The following ATG7 variants were observed in gnomAD, a reference collection of about 807,000 sequenced individuals.
The protein encoded by ATG7 is autophagy related 7.
A neutral mutation model predicts 82.4 loss-of-function variants in ATG7; 70 were observed. The observed-to-expected ratio is 0.85, with a 90% CI of 0.70 to 1.04. The LOEUF is 1.04. ATG7 is among the 50% of genes least tolerant of loss of function. ATG7 has a pLI of 0.00. For missense variants in ATG7, 792 were observed against 864.3 expected, an observed-to-expected ratio of 0.92 and a Z score of 1.05; for synonymous variants, 287 against 313.0, an observed-to-expected ratio of 0.92 and a Z score of 0.88.
intron 3 of ATG7, among the ~76,000 whole-genome samples, chr3:11,293,034 TG>T (rs1242491417): frequency 6.6e-6 from 1 of 152,132 alleles, no homozygotes; most frequent in Non-Finnish European, 1.5e-5. Context: ...TGAATTAAGG[TG>T]ATACTATTAA....
At chr3:11,515,106 T>C (rs528230711) in intron 20 of ATG7, among the ~76,000 whole-genome samples, 11 of 152,300 alleles carry the variant, frequency 7.2e-5, no homozygotes, top group Non-Finnish European at 1.5e-4. Flanking sequence ...ACCAAAGTGC[T>C]GGGATTACAG....
chr3:11,425,427 T>G (rs1251986187), intron 19 of ATG7, among the ~76,000 whole-genome samples: 1 of 152,230 alleles, frequency 6.6e-6, no homozygotes, highest in African/African-American at 2.4e-5. Context: ...ACTGTTCTGG[T>G]CTGTTTATGC....
chr3:11,500,007 G>A (rs1471155032), intron 20 of ATG7, among the ~76,000 whole-genome samples: 1 of 152,112 alleles, frequency 6.6e-6, no homozygotes, highest in African/African-American at 2.4e-5. Context: ...GGAGTGTTCT[G>A]AGTTCCCTGG....
intron 14 of ATG7, among the ~76,000 whole-genome samples, chr3:11,349,666 A>G (rs1188210942): frequency 6.6e-6 from 1 of 152,232 alleles, no homozygotes; most frequent in Admixed American, 6.5e-5. Flanking sequence ...AGGAGTGTAT[A>G]TATTTTTATA....
chr3:11,571,481 C>G, the ATG7 span, among the ~76,000 whole-genome samples: 2 of 151,924 alleles, frequency 1.3e-5, no homozygotes, highest in Non-Finnish European at 2.9e-5. Context: ...CCCAGGAGTT[C>G]GAGACCAGCC....
intron 19 of ATG7, among the ~76,000 whole-genome samples, chr3:11,409,937 A>G (rs2152913527): frequency 6.6e-6 from 1 of 152,156 alleles, no homozygotes; most frequent in East Asian, 1.9e-4. Context: ...ATATTTTTTT[A>G]TTCTTTCACC....
chr3:11,521,318 G>A lies in ATG7; in HGVS notation c.2080-33493G>A, dbSNP rs144693224. Among the ~76,000 whole-genome samples, 539 of 152,284 alleles carry A rather than the reference G, an allele frequency of 3.5e-3. 5 individuals are homozygous for A. The highest frequency in any genetic ancestry group is 0.012 in the African/African-American group (482 of 41,548). Reference sequence around the variant, plus strand: ...GGAAAGCAGAGTGTGACTGGGACCGGCACAGGAAAGGGTGGCTAAGAGTCA... The same window carrying A: ...GGAAAGCAGAGTGTGACTGGGACCGACACAGGAAAGGGTGGCTAAGAGTCA... On this transcript the variant is annotated intron_variant, in intron 20 of 20. Transcript: ENST00000693202.
chr3:11,365,688 C>T (rs974499892), intron 18 of ATG7, among the ~76,000 whole-genome samples: 19 of 152,154 alleles, frequency 1.2e-4, no homozygotes, highest in African/African-American at 4.6e-4. Flanking sequence ...CCTCGCCACC[C>T]ACCTTCTGCC....
rs762221682 is a variant in ATG7 at position 11,555,827 on chromosome 3, ATTC to A, written c.*987_*989del. ...AGGGCATCGTCTTTCCTGCTATTTTATTCTTTCAGCTTTTGTCTTAGGCCCAGA... is the reference window on the plus strand; with the variant it reads ...AGGGCATCGTCTTTCCTGCTATTTTATTTCAGCTTTTGTCTTAGGCCCAGA... On this transcript the variant is annotated 3_prime_UTR_variant, in exon 21 of 21. Transcript: ENST00000693202. 191 of 152,334 alleles carry A rather than the reference ATTC, an allele frequency of 1.3e-3. 1 individual carries two copies. The highest frequency in any genetic ancestry group is 2.2e-3 in the Non-Finnish European group (147 of 68,038). The allele number at this position is 152,334 out of a possible 1,614,324, so 9.4% of individuals were successfully genotyped here.
intron 20 of ATG7, among the ~76,000 whole-genome samples, chr3:11,481,108 C>T (rs1358590619): frequency 1.3e-5 from 2 of 152,196 alleles, no homozygotes; most frequent in African/African-American, 4.8e-5. Flanking sequence ...TTTTCTTCGG[C>T]AAGCATTTCC....
At chr3:11,345,440 G>A (rs1954375238) in intron 13 of ATG7, among the ~76,000 whole-genome samples, 2 of 152,054 alleles carry the variant, frequency 1.3e-5, no homozygotes, top group African/African-American at 4.8e-5. Context: ...TGTTGGTTGG[G>A]GTAGTAAGGG....
chr3:11,412,528 A>G (rs1043491863), intron 19 of ATG7, among the ~76,000 whole-genome samples: 12 of 152,086 alleles, frequency 7.9e-5, no homozygotes, highest in African/African-American at 2.9e-4. Flanking sequence ...TCTTGTCTTT[A>G]TGCGGTACTA....
At position 11,306,936 on chromosome 3, in the gene ATG7, T is replaced by TA. The variant is rs756132508; in HGVS notation, c.216-6dup. 1.2e-6 allele frequency: 2 copies of TA among 1,611,336 alleles called. No homozygotes were observed. Among genetic ancestry groups the TA allele is most frequent in the Admixed American group, 3.3e-5 (2 of 59,932 alleles). On this transcript the variant is annotated splice_region_variant and splice_polypyrimidine_tract_variant and intron_variant, in intron 5 of 20. Coordinates refer to ENST00000693202, the MANE Select transcript of ATG7 (RefSeq NM_001349232.2). ...TGCCTGACTAACCGTGTTTCTCTTG[T>TA]ATCTAGGAGTGCTCCCACCCCAGCC...
At chr3:11,333,748 C>CT (rs770412107) in intron 11 of ATG7, among the ~76,000 whole-genome samples, 7,583 of 138,192 alleles carry the variant, frequency 0.055, 318 homozygotes, top group African/African-American at 0.1. Flanking sequence ...GGATATATTT[C>CT]TTTTTTTTTT....
chr3:11,568,772 G>A, the ATG7 span: 8 of 1,492,944 alleles, frequency 5.4e-6, no homozygotes, highest in African/African-American at 9.8e-5. This position sits in a 1 kb window ranked among gnomAD's most constrained non-coding sequence, Gnocchi z 5.9. Context: ...AGTCGCCTCC[G>A]CTCCTGGTCA....
At chr3:11,538,975 GGA>G (rs1365971564) in intron 20 of ATG7, among the ~76,000 whole-genome samples, 15 of 152,288 alleles carry the variant, frequency 9.8e-5, no homozygotes, top group Admixed American at 9.8e-4. Flanking sequence ...AAGAGAGCAT[GGA>G]GAAGGGATCT....
chr3:11,339,969 C>A (rs905733246), intron 11 of ATG7, among the ~76,000 whole-genome samples: 4 of 152,172 alleles, frequency 2.6e-5, no homozygotes, highest in Non-Finnish European at 5.9e-5. Context: ...TCCTTATCCT[C>A]TGAGATTATT....
intron 9 of ATG7, among the ~76,000 whole-genome samples, chr3:11,327,386 G>A (rs1951030252): frequency 6.6e-6 from 1 of 152,182 alleles, no homozygotes; most frequent in South Asian, 2.1e-4. Flanking sequence ...ACTGTAGACA[G>A]CTAGTGCTAA....
chr3:11,518,366 G>C (rs1163291795), intron 20 of ATG7, among the ~76,000 whole-genome samples: 1 of 152,100 alleles, frequency 6.6e-6, no homozygotes, highest in African/African-American at 2.4e-5. Flanking sequence ...GCCAACAATG[G>C]TGAAACCCTG....
Sources: gnomAD v4.1 joint callset for allele counts (sites outside exome capture counted in the v4.1 genomes callset) on GRCh38, gnomAD v4.1.1 for gene constraint, Gnocchi (gnomAD v3.1) non-coding constraint, MANE v1.5 for transcripts, NCBI Gene and HGNC (gene_info 2026-07-23, HGNC 2026-07-21) for gene names.